Variants in ABCA13 observed in about 807,000 individuals in gnomAD.
The protein encoded by ABCA13 is ATP binding cassette subfamily A member 13.
In ABCA13, 476 loss-of-function variants were observed where a neutral mutation model predicts 478.7. That is an observed-to-expected ratio of 0.99 (90% CI 0.92 to 1.07). ABCA13 has a LOEUF of 1.07. Ranked by LOEUF, ABCA13 falls within the 50% of genes least tolerant of loss-of-function variation. The pLI, the probability that ABCA13 is intolerant of heterozygous loss-of-function variation, is 0.00. For synonymous variants in ABCA13, 2,252 were observed against 2,158.9 expected (o/e 1.04, Z -1.20); for missense variants, 6,060 against 5,910.6 (o/e 1.03, Z -0.83).
Position 48,272,804 on chromosome 7 carries a change from CT to C in ABCA13, c.3140del (p.Phe1047SerfsTer11). The C allele has an allele frequency of 1.2e-6, 2 of 1,605,812 alleles. No homozygotes were observed. Among genetic ancestry groups the C allele is most frequent in the Non-Finnish European group, 1.7e-6 (2 of 1,175,104 alleles). ...FNFLELQAQS[F>X]MSTEGQELEV... is the part of the protein sequence containing the mutation. Reference sequence around the variant, plus strand: ...ACTTTTTGGAGCTTCAGGCCCAATCCTTCATGTCTACAGAGGGCCAAGAACT... The same window carrying C: ...ACTTTTTGGAGCTTCAGGCCCAATCCTCATGTCTACAGAGGGCCAAGAACT... On this transcript the variant is annotated frameshift_variant, in exon 17 of 62. Coordinates refer to ENST00000435803, the MANE Select transcript of ABCA13 (RefSeq NM_152701.5). LOFTEE classifies it high-confidence loss of function.
At chr7:48,452,324 C>A (rs1825145641) in intron 42 of ABCA13, among the ~76,000 whole-genome samples, 1 of 152,048 alleles carries the variant, frequency 6.6e-6, no homozygotes, top group Non-Finnish European at 1.5e-5. Flanking sequence ...AAATAATGTT[C>A]CAGAATCCAC....
intron 1 of ABCA13, among the ~76,000 whole-genome samples, chr7:48,180,130 A>G (rs1021414967): frequency 2.0e-5 from 3 of 152,220 alleles, no homozygotes; most frequent in Non-Finnish European, 2.9e-5. Context: ...GTGTGGGTGA[A>G]CTAGGAACAA....
chr7:48,292,113 C>T (rs994365556), intron 20 of ABCA13, among the ~76,000 whole-genome samples: 1 of 152,160 alleles, frequency 6.6e-6, no homozygotes, highest in African/African-American at 2.4e-5. Context: ...CAGCCAACAC[C>T]TCCCCTGACC....
rs1818946347 is a variant in ABCA13 at position 48,410,977 on chromosome 7, C to CTCTTTCTTTT, written c.12228+309_12228+310insTTCTTTCTTT. On this transcript the variant is annotated intron_variant, in intron 40 of 61. Transcript: ENST00000435803. ...ACCTATGTATTCTAGAAATTCTTTT[C>CTCTTTCTTTT]TCTTTCTTTCTTTCTTTCTTTCTTT... Among the ~76,000 whole-genome samples, 3 of 104,642 alleles carry CTCTTTCTTTT rather than the reference C, an allele frequency of 2.9e-5. No individual in the cohort carries two copies. In the Admixed American group the frequency reaches 3.0e-4, roughly 10 times the overall value. The allele number at this position is 104,642 out of a possible 152,430, so 68.6% of individuals were successfully genotyped here.
At chr7:48,557,142 G>C (rs375307786) in intron 55 of ABCA13, among the ~76,000 whole-genome samples, 6 of 151,806 alleles carry the variant, frequency 4.0e-5, no homozygotes, top group Non-Finnish European at 8.8e-5. Flanking sequence ...TAAGTTTTTT[G>C]TACTATCTAT....
At chr7:48,455,003 G>T in intron 42 of ABCA13, 34 bp from the exon 43 acceptor site, 2 of 1,468,512 alleles carry the variant, frequency 1.4e-6, no homozygotes, top group South Asian at 2.7e-5. Flanking sequence ...CCGCAGAGCT[G>T]ACCCAGCCGC....
intron 3 of ABCA13, among the ~76,000 whole-genome samples, chr7:48,203,139 G>A (rs1799063778): frequency 1.3e-5 from 2 of 152,218 alleles, no homozygotes; most frequent in Admixed American, 6.5e-5. Flanking sequence ...TACATCCTCC[G>A]CAGCCGCTGG....
Position 48,219,555 on chromosome 7 carries a change from A to G in ABCA13, c.439+50A>G, listed in dbSNP as rs202219877. ...ACACTACCTACCTGGACATAGCTTAAGGAGAGCTGTGGAGGCTATGAGAAC... is the reference window on the plus strand; with the variant it reads ...ACACTACCTACCTGGACATAGCTTAGGGAGAGCTGTGGAGGCTATGAGAAC... On this transcript the variant is annotated intron_variant, in intron 4 of 61. Transcript: ENST00000435803. 1.9e-6 allele frequency: 3 copies of G among 1,569,412 alleles called. No individual in the cohort carries two copies. In the African/African-American group the frequency reaches 4.2e-5, roughly 22 times the overall value.
At chr7:48,330,885 G>A (rs1050610384) in intron 27 of ABCA13, among the ~76,000 whole-genome samples, 6 of 152,128 alleles carry the variant, frequency 3.9e-5, no homozygotes, top group Admixed American at 2.0e-4. Context: ...TGCATTGAGG[G>A]GAATCGGGGG....
At chr7:48,350,885 T>A (rs1377562960) in intron 30 of ABCA13, 66 bp downstream of exon 30, 4 of 1,513,170 alleles carry the variant, frequency 2.6e-6, no homozygotes, top group Non-Finnish European at 2.7e-6. Flanking sequence ...ATTTTGGGAG[T>A]TTCTCCCTAA....
In ABCA13 at chr7:48,412,483, C is replaced by T. The variant is rs748247783; in HGVS notation, c.12359C>T (p.Thr4120Ile). ...CTGACCTACACCATTCCAAAGGACACAGACAAGGCCTGCTTGAAAGGGCTC... is the reference window on the plus strand; with the variant it reads ...CTGACCTACACCATTCCAAAGGACATAGACAAGGCCTGCTTGAAAGGGCTC... Reference protein sequence around the residue: ...SELTYTIPKDTDKACLKGLFQ... With the variant: ...SELTYTIPKDIDKACLKGLFQ... The change falls in exon 41 of 62, where the codon ACA becomes ATA. Residue 4120 changes from threonine (T) to isoleucine (I), a missense_variant. Thr to Ile is a moderately conservative substitution (Grantham distance 89). This residue lies in a region of ABCA13 where 1,627 missense variants were observed against 1,571.0 expected (regional missense o/e 1.04). Transcript: ENST00000435803. 1 of 1,613,620 alleles carries T rather than the reference C, an allele frequency of 6.2e-7. No individual in the cohort carries two copies. Among genetic ancestry groups the T allele is most frequent in the Non-Finnish European group, 8.5e-7 (1 of 1,179,842 alleles).
intron 55 of ABCA13, among the ~76,000 whole-genome samples, chr7:48,535,394 C>T (rs1467630410): frequency 6.6e-6 from 1 of 152,192 alleles, no homozygotes; most frequent in East Asian, 1.9e-4. Flanking sequence ...GATACCAGCA[C>T]CTGCTCAGGT....
rs545917982 is a variant in ABCA13, at chr7:48,316,704, G to A, written c.9860-453G>A. ...CATGGCACCAGCATCTGCTTCTGGT[G>A]AGGCCTCAGGCTGTTTCCACTCATG... On this transcript the variant is annotated intron_variant, in intron 26 of 61. Transcript: ENST00000435803. Among the ~76,000 whole-genome samples, 59 of 152,328 alleles carry A rather than the reference G, an allele frequency of 3.9e-4. No individual in the cohort carries two copies. In the South Asian group the frequency reaches 0.01, roughly 26 times the overall value.
chr7:48,599,780 C>T (rs780857129), intron 58 of ABCA13, among the ~76,000 whole-genome samples: 6 of 152,258 alleles, frequency 3.9e-5, no homozygotes, highest in Non-Finnish European at 7.4e-5. Context: ...CTCCCCCATC[C>T]CCCACAAAAT....
chr7:48,327,021 T>G (rs1223496086), intron 27 of ABCA13, among the ~76,000 whole-genome samples: 1 of 152,160 alleles, frequency 6.6e-6, no homozygotes, highest in Non-Finnish European at 1.5e-5. Flanking sequence ...CACCAATAAT[T>G]TCACTGTTTT....
intron 3 of ABCA13, among the ~76,000 whole-genome samples, chr7:48,215,420 A>G (rs780868318): frequency 5.3e-5 from 8 of 152,174 alleles, no homozygotes; most frequent in Non-Finnish European, 1.0e-4. Flanking sequence ...CTGATTACAG[A>G]ACACAATAGC....
intron 55 of ABCA13, among the ~76,000 whole-genome samples, chr7:48,561,284 A>G (rs1198265682): frequency 6.6e-6 from 1 of 152,050 alleles, no homozygotes; most frequent in Non-Finnish European, 1.5e-5. Flanking sequence ...TGGGTCAAAT[A>G]ATATTATATT....
Position 48,273,882 on chromosome 7 carries a change from T to C in ABCA13, c.4216T>C (p.Leu1406=). Residue 1406 remains leucine (L), a synonymous_variant, in exon 17 of 62, where the codon TTG becomes CTG. Coordinates refer to ENST00000435803, the MANE Select transcript of ABCA13 (RefSeq NM_152701.5). ...GTTAGATGTCATAAACCATTTGTAT[T>C]TGTTGTCTAACTCCAGTTTTTCACA... ...VWLDVINHLY[L]LSNSSFSQGH... is the part of the protein sequence containing the mutation. 1 of 1,612,826 alleles carries C rather than the reference T, an allele frequency of 6.2e-7. No homozygotes were observed. The highest frequency in any genetic ancestry group is 8.5e-7 in the Non-Finnish European group (1 of 1,179,258).
At chr7:48,496,959 A>AG (rs965264776) in intron 48 of ABCA13, among the ~76,000 whole-genome samples, 22 of 150,918 alleles carry the variant, frequency 1.5e-4, no homozygotes, top group African/African-American at 5.4e-4. Flanking sequence ...TTGGATTTTT[A>AG]GGTTTATGGT....
Sources: allele counts gnomAD v4.1 joint callset (sites outside exome capture counted in the v4.1 genomes callset), GRCh38; gene constraint gnomAD v4.1.1; regional missense constraint gnomAD v4.1.1; transcripts MANE v1.5; gene names NCBI Gene and HGNC (gene_info 2026-07-23, HGNC 2026-07-21).